SGK2: variants seen among roughly 807,000 people sequenced by gnomAD.
The protein encoded by SGK2 is serum/glucocorticoid regulated kinase 2.
A neutral mutation model predicts 47.5 loss-of-function variants in SGK2; 36 were observed. That is an observed-to-expected ratio of 0.76 (90% CI 0.58 to 1.00). SGK2 has a LOEUF of 1.00. Among genes scored for constraint, SGK2 ranks in the 50% least tolerant of loss-of-function variants. The probability of loss-of-function intolerance (pLI) is 0.00; values close to 1 mark genes in which losing one functional copy is unlikely to be tolerated. For synonymous variants in SGK2, 157 were observed against 181.9 expected (o/e 0.86, Z 1.10); for missense variants, 404 against 467.4 (o/e 0.86, Z 1.25).
At chr20:43,562,409 C>A (rs1979441780) in intron 1 of SGK2, among the ~76,000 whole-genome samples, 1 of 115,650 alleles carries the variant, frequency 8.6e-6, no homozygotes, top group Admixed American at 1.1e-4. Flanking sequence ...CAGAGCTAAA[C>A]CATGTCTCAA....
At chr20:43,559,573 A>G (rs1471020836) in intron 1 of SGK2, among the ~76,000 whole-genome samples, 1 of 152,190 alleles carries the variant, frequency 6.6e-6, no homozygotes, top group African/African-American at 2.4e-5. Context: ...AACAGGGACG[A>G]TGATAGTTCC....
At chr20:43,581,782 G>A (rs1980814727) in intron 12 of SGK2, among the ~76,000 whole-genome samples, 1 of 152,146 alleles carries the variant, frequency 6.6e-6, no homozygotes, top group African/African-American at 2.4e-5. Context: ...ACTCGCCTTG[G>A]CCTCCCAAAG....
intron 12 of SGK2, among the ~76,000 whole-genome samples, chr20:43,580,264 G>A (rs1980709133): frequency 6.6e-6 from 1 of 152,184 alleles, no homozygotes; most frequent in Non-Finnish European, 1.5e-5. Context: ...CTGCTCCTTT[G>A]TCTTGAGCAC....
intron 1 of SGK2, among the ~76,000 whole-genome samples, chr20:43,564,382 G>C (rs746914369): frequency 1.4e-4 from 22 of 152,228 alleles, no homozygotes; most frequent in Non-Finnish European, 3.2e-4. Context: ...GGAGGCGAAG[G>C]GCTCTCAGCT....
At chr20:43,563,879 A>G (rs1368506488) in intron 1 of SGK2, among the ~76,000 whole-genome samples, 14 of 152,174 alleles carry the variant, frequency 9.2e-5, no homozygotes, top group Non-Finnish European at 1.8e-4. Flanking sequence ...CTGTGCACTC[A>G]GGTTTTCTCT....
At chr20:43,568,348 G>T (rs909885176) in intron 5 of SGK2, among the ~76,000 whole-genome samples, 1 of 152,200 alleles carries the variant, frequency 6.6e-6, no homozygotes, top group Non-Finnish European at 1.5e-5. Flanking sequence ...ATGCCATCAG[G>T]CCATATGGCT....
chr20:43,562,512 G>A (rs565944453), intron 1 of SGK2, among the ~76,000 whole-genome samples: 3 of 151,354 alleles, frequency 2.0e-5, no homozygotes, highest in Middle Eastern at 3.6e-3. Context: ...AGGCAGGGGT[G>A]GGTGGATCAC....
Position 43,570,699 on chromosome 20 carries a change from G to A in SGK2, c.443G>A (p.Gly148Asp). The change falls in exon 7 of 13, where the codon GGC becomes GAC. Residue 148 changes from glycine to aspartate, a missense_variant. Coordinates refer to ENST00000373100, the MANE Select transcript of SGK2 (RefSeq NM_170693.3). ...FYAAEVASAI[G>D]YLHSLNIIYR... ...GCTGCTGAGGTGGCCAGCGCCATTG[G>A]CTACCTGCACTCCCTCAACATCATT... 1 of 1,613,404 alleles carries A rather than the reference G, an allele frequency of 6.2e-7. No individual in the cohort carries two copies. The highest frequency in any genetic ancestry group is 8.5e-7 in the Non-Finnish European group (1 of 1,179,454).
Position 43,567,070 on chromosome 20 carries a change from C to A in SGK2, c.39C>A (p.Pro13=), listed in dbSNP as rs11554648. Residue 13 remains proline (P), a splice_region_variant and synonymous_variant, in exon 3 of 13, where the codon CCC becomes CCA. Transcript: ENST00000373100. The part of the protein sequence containing the change: ...SSPAGTPSPQ[P]SRANGNINLG... Reference sequence around the variant, plus strand: ...ATCATAATCACTTCTTTCTTTAGCCCTCCAGGGCCAATGGGAACATCAACC... The same window carrying A: ...ATCATAATCACTTCTTTCTTTAGCCATCCAGGGCCAATGGGAACATCAACC... 1 of 1,613,870 alleles carries A rather than the reference C, an allele frequency of 6.2e-7. No homozygotes were observed.
At chr20:43,564,449 C>T (rs1186730515) in intron 1 of SGK2, among the ~76,000 whole-genome samples, 3 of 152,180 alleles carry the variant, frequency 2.0e-5, no homozygotes, top group African/African-American at 2.4e-5. Context: ...ACACAGGGTT[C>T]GTATACACAG....
chr20:43,562,583 A>G (rs1979457842), intron 1 of SGK2, among the ~76,000 whole-genome samples: 1 of 150,138 alleles, frequency 6.7e-6, no homozygotes, highest in South Asian at 2.1e-4. Context: ...TCTACTAAAA[A>G]TACAAAAATT....
chr20:43,576,117 CA>C, intron 10 of SGK2, 106 bp from the exon 11 acceptor site: 1 of 1,314,532 alleles, frequency 7.6e-7, no homozygotes, highest in Non-Finnish European at 1.1e-6. Context: ...TTGCACAAGA[CA>C]GGGGTCATAC....
At chr20:43,575,977 T>C (rs560247450) in intron 10 of SGK2, among the ~76,000 whole-genome samples, 1 of 152,172 alleles carries the variant, frequency 6.6e-6, no homozygotes, top group Non-Finnish European at 1.5e-5. Context: ...AAATGCAAAG[T>C]TGGTGCATAA....
intron 6 of SGK2, 158 bp downstream of exon 6, chr20:43,569,674 T>C: frequency 1.2e-6 from 1 of 827,918 alleles, no homozygotes; most frequent in South Asian, 1.7e-5. Context: ...GAGGTAATCA[T>C]TTGCTCAAGG....
intron 5 of SGK2, among the ~76,000 whole-genome samples, chr20:43,568,431 C>T (rs757371185): frequency 6.6e-5 from 10 of 152,210 alleles, no homozygotes; most frequent in Non-Finnish European, 1.5e-4. Flanking sequence ...CCGCCTCAGC[C>T]TCCCAAAGTG....
At chr20:43,570,775 T>C (rs1325027262) in intron 7 of SGK2, 46 bp downstream of exon 7, 1 of 1,453,552 alleles carries the variant, frequency 6.9e-7, no homozygotes, top group South Asian at 1.2e-5. Context: ...CCCTTCTTGC[T>C]CCAACAGCTA....
At chr20:43,571,137 T>A in intron 8 of SGK2, 77 bp downstream of exon 8, 1 of 1,597,202 alleles carries the variant, frequency 6.3e-7, no homozygotes, top group Non-Finnish European at 8.5e-7. Flanking sequence ...TGACCATGAG[T>A]CTGTGTACAT....
At position 43,576,320 on chromosome 20, in the gene SGK2, C is replaced by T. The variant is rs773122788; in HGVS notation, c.790C>T (p.Leu264Phe). Residue 264 changes from leucine (L) to phenylalanine (F), a missense_variant, in exon 11 of 13, where the codon CTC becomes TTC. Transcript: ENST00000373100. The stretch of plus-strand genomic sequence containing the variant: ...AGGCCGGACAGTGGCCGCCTGTGAC[C>T]TCCTGCAAAGCCTTCTCCACAAGGA... Reference protein sequence around the residue: ...PGGRTVAACDLLQSLLHKDQR... With the variant: ...PGGRTVAACDFLQSLLHKDQR... 1 of 1,614,240 alleles carries T rather than the reference C, an allele frequency of 6.2e-7. No individual in the cohort carries two copies. Among genetic ancestry groups the T allele is most frequent in the East Asian group, 2.2e-5 (1 of 44,882 alleles).
intron 5 of SGK2, among the ~76,000 whole-genome samples, chr20:43,569,004 C>T (rs1600990027): frequency 1.3e-5 from 2 of 152,038 alleles, no homozygotes; most frequent in African/African-American, 2.4e-5. Flanking sequence ...AAAGAGGGTG[C>T]GACATCCAGG....
Sources: gnomAD v4.1 joint callset for allele counts (sites outside exome capture counted in the v4.1 genomes callset) on GRCh38, gnomAD v4.1.1 for gene constraint, MANE v1.5 for transcripts, NCBI Gene and HGNC (gene_info 2026-07-23, HGNC 2026-07-21) for gene names.